Variants in AKAP7 observed in about 807,000 individuals in gnomAD.
The protein encoded by AKAP7 is A-kinase anchoring protein 7, also known as A kinase (PRKA) anchor protein 7.
A neutral mutation model predicts 39.5 loss-of-function variants in AKAP7; 39 were observed. The ratio of observed to expected loss-of-function variants is 0.99; its 90% CI spans 0.76 to 1.29. The LOEUF is 1.29. AKAP7 is among the 50% of genes most tolerant of loss of function. The pLI is 0.00. For synonymous variants in AKAP7, 140 were observed against 139.1 expected, an observed-to-expected ratio of 1.01 and a Z score of -0.05; for missense variants, 414 against 407.7, an observed-to-expected ratio of 1.02 and a Z score of -0.13.
chr6:131,224,875 C>T (rs1462270868), intron 7 of AKAP7, among the ~76,000 whole-genome samples: 1 of 151,360 alleles, frequency 6.6e-6, no homozygotes, highest in African/African-American at 2.4e-5. Flanking sequence ...CTCAGCCTCC[C>T]GAGTAGCTGG....
intron 7 of AKAP7, among the ~76,000 whole-genome samples, chr6:131,239,939 G>A (rs1428601048): frequency 5.9e-5 from 9 of 152,196 alleles, no homozygotes; most frequent in Middle Eastern, 6.3e-3. Context: ...GCTTTGTTCC[G>A]TTGCTGGTGA....
chr6:131,128,714 C>T, the AKAP7 span, among the ~76,000 whole-genome samples: 64 of 150,508 alleles, frequency 4.3e-4, 1 homozygote, highest in Non-Finnish European at 2.5e-4. Context: ...CCCAGCTACT[C>T]AGGAAGCTGA....
At chr6:131,218,733 C>T (rs1156922024) in intron 6 of AKAP7, among the ~76,000 whole-genome samples, 1 of 152,092 alleles carries the variant, frequency 6.6e-6, no homozygotes, top group East Asian at 1.9e-4. Context: ...TTTTCAACAA[C>T]CAGCTGTTTC....
At chr6:131,161,957 T>A (rs1303915922) in intron 3 of AKAP7, among the ~76,000 whole-genome samples, 2 of 152,126 alleles carry the variant, frequency 1.3e-5, no homozygotes, top group African/African-American at 2.4e-5. Flanking sequence ...GAATCCAGGT[T>A]CTGTATTTTG....
chr6:131,155,319 T>C (rs1407909912), intron 2 of AKAP7, among the ~76,000 whole-genome samples: 1 of 152,194 alleles, frequency 6.6e-6, no homozygotes, highest in East Asian at 1.9e-4. Context: ...TGGCCAAAGA[T>C]AGTATTTTGA....
intron 2 of AKAP7, among the ~76,000 whole-genome samples, chr6:131,154,299 A>G (rs1338016965): frequency 6.6e-6 from 1 of 152,154 alleles, no homozygotes; most frequent in African/African-American, 2.4e-5. Flanking sequence ...AAAATAACCT[A>G]GACGGTAGGT....
chr6:131,254,127 A>G (rs1020450367), intron 7 of AKAP7, among the ~76,000 whole-genome samples: 1 of 151,908 alleles, frequency 6.6e-6, no homozygotes, highest in Non-Finnish European at 1.5e-5. Flanking sequence ...ATTTTTCCAA[A>G]CTGTATTTTT....
the AKAP7 span, among the ~76,000 whole-genome samples, chr6:131,125,887 A>G: frequency 4.2e-3 from 637 of 152,272 alleles, 4 homozygotes; most frequent in Non-Finnish European, 6.1e-3. Flanking sequence ...ATGTGTTTTA[A>G]GTTGATTTAA....
chr6:131,149,406 G>C (rs1039244279), intron 2 of AKAP7, among the ~76,000 whole-genome samples: 1 of 152,174 alleles, frequency 6.6e-6, no homozygotes, highest in Non-Finnish European at 1.5e-5. Context: ...AGGCCGAGTT[G>C]GGCGGATCTT....
rs77834951 is a variant in AKAP7 at position 131,215,143 on chromosome 6, G to A, written c.703-4518G>A. On this transcript the variant is annotated intron_variant, in intron 6 of 7. Coordinates refer to ENST00000431975, the MANE Select transcript of AKAP7 (RefSeq NM_016377.4). The stretch of plus-strand genomic sequence containing the variant: ...TTTCAGATTGGGCCACAATAATTGG[G>A]CCATATAAAGTACTGTTGACTTTTC... Among the ~76,000 whole-genome samples, 354 of 152,250 alleles carry A rather than the reference G, an allele frequency of 2.3e-3. 13 individuals carry two copies. The East Asian group carries it at 0.061, about 26-fold the overall frequency.
intron 7 of AKAP7, among the ~76,000 whole-genome samples, chr6:131,255,149 T>C (rs763990824): frequency 6.6e-6 from 1 of 152,234 alleles, no homozygotes; most frequent in African/African-American, 2.4e-5. Context: ...TGGTTACCTT[T>C]CACATGTCTG....
intron 7 of AKAP7, among the ~76,000 whole-genome samples, chr6:131,226,975 A>C (rs1011005290): frequency 6.6e-6 from 1 of 152,224 alleles, no homozygotes; most frequent in Admixed American, 6.5e-5. Context: ...AGAGTGATAC[A>C]GAAGCACCGG....
chr6:131,260,674 T>C (rs925141748), intron 7 of AKAP7, among the ~76,000 whole-genome samples: 1 of 152,146 alleles, frequency 6.6e-6, no homozygotes, highest in South Asian at 2.1e-4. Flanking sequence ...TGTAAATTTG[T>C]TTAAGTTCTT....
At chr6:131,236,838 A>G (rs1811111780) in intron 7 of AKAP7, among the ~76,000 whole-genome samples, 1 of 152,184 alleles carries the variant, frequency 6.6e-6, no homozygotes, top group Admixed American at 6.6e-5. Flanking sequence ...ATATACAATC[A>G]TGTCATCTGC....
intron 7 of AKAP7, among the ~76,000 whole-genome samples, chr6:131,268,643 C>T (rs775105118): frequency 3.0e-4 from 46 of 152,068 alleles, no homozygotes; most frequent in African/African-American, 6.0e-4. Context: ...TTTATTCTGC[C>T]GACGTACATC....
Position 131,219,776 on chromosome 6 carries a change from GTTA to G in AKAP7, c.823_825del (p.Tyr275del). 1.3e-6 allele frequency: 2 copies of G among 1,586,192 alleles called. No homozygotes were observed. Among genetic ancestry groups the G allele is most frequent in the Middle Eastern group, 1.7e-4 (1 of 5,962 alleles). On this transcript the variant is annotated inframe_deletion, in exon 7 of 8. Transcript: ENST00000431975. ...ATGCTGAAGAAAAAACAAAGTAATG[GTTA>G]TTATCACTGTGAATCTTCCATTGTG...
At chr6:131,259,571 G>C (rs1262674309) in intron 7 of AKAP7, among the ~76,000 whole-genome samples, 1 of 152,190 alleles carries the variant, frequency 6.6e-6, no homozygotes, top group Non-Finnish European at 1.5e-5. Flanking sequence ...GGTGGTCTTA[G>C]AAGCCAGTGG....
intron 5 of AKAP7, among the ~76,000 whole-genome samples, chr6:131,190,398 G>T (rs889751258): frequency 3.9e-5 from 6 of 152,066 alleles, no homozygotes; most frequent in Admixed American, 3.9e-4. Context: ...CAGCACTTTG[G>T]TTGGGAAGCC....
chr6:131,147,834 C>A (rs1168608035), intron 2 of AKAP7, among the ~76,000 whole-genome samples: 3 of 152,214 alleles, frequency 2.0e-5, no homozygotes, highest in African/African-American at 4.8e-5. Flanking sequence ...TCTGTTCATT[C>A]TTCCAGCTGC....
Sources: gnomAD v4.1 joint callset for allele counts (sites outside exome capture counted in the v4.1 genomes callset) on GRCh38, gnomAD v4.1.1 for gene constraint, MANE v1.5 for transcripts, NCBI Gene and HGNC (gene_info 2026-07-23, HGNC 2026-07-21) for gene names.